The following ERBB4 variants were observed in gnomAD, a reference collection of about 807,000 sequenced individuals.
ERBB4 encodes erb-b2 receptor tyrosine kinase 4.
Under a neutral mutation model 158.0 loss-of-function variants are expected in ERBB4, and 42 were observed. The ratio of observed to expected loss-of-function variants is 0.27; its 90% CI spans 0.21 to 0.34. ERBB4 has a LOEUF of 0.34. Among genes scored for constraint, ERBB4 ranks in the 10% least tolerant of loss-of-function variants. The pLI is 1.00. For missense variants in ERBB4, 1,333 were observed against 1,624.1 expected (o/e 0.82, Z 3.08); for synonymous variants, 583 against 558.7 (o/e 1.04, Z -0.61).
At chr2:211,440,782 A>G (rs974841651) in intron 20 of ERBB4, among the ~76,000 whole-genome samples, 4 of 152,168 alleles carry the variant, frequency 2.6e-5, no homozygotes, top group Admixed American at 6.5e-5. Flanking sequence ...TAACTGCTGA[A>G]TACTTTTATG....
chr2:211,960,535 G>A (rs1447676595), intron 2 of ERBB4: 7 of 152,104 alleles, frequency 4.6e-5, no homozygotes, highest in Non-Finnish European at 1.0e-4. Context: ...GAAAGGTAGT[G>A]CCTTAGTCTG....
Position 211,536,848 on chromosome 2 carries a change from T to C in ERBB4, c.2487+25055A>G, listed in dbSNP as rs79426471. The stretch of plus-strand genomic sequence containing the variant: ...TTTAACTGGAGCTCTTTGGCTCACA[T>C]TGCAACATAACGTCCATCACCCTCT... On this transcript the variant is annotated intron_variant, in intron 20 of 27. Coordinates refer to ENST00000342788, the MANE Select transcript of ERBB4 (RefSeq NM_005235.3). Among the ~76,000 whole-genome samples the C allele has an allele frequency of 7.2e-3, 1,099 of 152,074 alleles. 36 individuals are homozygous for C. The highest frequency in any genetic ancestry group is 0.052 in the Admixed American group (794 of 15,274).
chr2:211,547,753 T>C (rs1387439697), intron 20 of ERBB4, among the ~76,000 whole-genome samples: 3 of 151,804 alleles, frequency 2.0e-5, no homozygotes, highest in Non-Finnish European at 4.4e-5. Flanking sequence ...TAGCTTTCAC[T>C]TTTCTGTTAA....
intron 1 of ERBB4, among the ~76,000 whole-genome samples, chr2:212,129,634 T>TA (rs957082194): frequency 3.3e-5 from 5 of 151,566 alleles, no homozygotes; most frequent in East Asian, 1.9e-4. Context: ...GGCCCTCAAC[T>TA]AAAAAAAATT....
intron 1 of ERBB4, among the ~76,000 whole-genome samples, chr2:212,162,716 A>G (rs1452198241): frequency 6.6e-6 from 1 of 151,916 alleles, no homozygotes; most frequent in Non-Finnish European, 1.5e-5. Flanking sequence ...ATGAGGAGAA[A>G]TGTGATAGCA....
At chr2:211,443,708 AC>A (rs1316593306) in intron 20 of ERBB4, among the ~76,000 whole-genome samples, 1 of 152,022 alleles carries the variant, frequency 6.6e-6, no homozygotes, top group Non-Finnish European at 1.5e-5. Flanking sequence ...CAGCGCTGCC[AC>A]TAACTATATG....
At chr2:212,073,241 C>A (rs1421298375) in intron 2 of ERBB4, among the ~76,000 whole-genome samples, 2 of 152,054 alleles carry the variant, frequency 1.3e-5, no homozygotes, top group African/African-American at 4.8e-5. Flanking sequence ...TCATCTTTAT[C>A]TTGAGAATAA....
At chr2:212,144,319 G>A (rs934277412) in intron 1 of ERBB4, among the ~76,000 whole-genome samples, 11 of 152,066 alleles carry the variant, frequency 7.2e-5, no homozygotes, top group Non-Finnish European at 1.3e-4. Context: ...TGGTATTTAA[G>A]ATTTTCCATA....
chr2:211,861,568 C>A (rs1272375903), intron 3 of ERBB4, among the ~76,000 whole-genome samples: 1 of 151,800 alleles, frequency 6.6e-6, no homozygotes, highest in Admixed American at 6.6e-5. Flanking sequence ...AAAGAAAAAC[C>A]TATAAATATT....
chr2:212,459,065 A>C (rs893054948), intron 1 of ERBB4, among the ~76,000 whole-genome samples: 15 of 152,206 alleles, frequency 9.9e-5, no homozygotes, highest in Non-Finnish European at 2.2e-4. Context: ...ATTTAAGTAT[A>C]ATCAAATGTT....
chr2:212,118,569 T>A (rs2079641424), intron 2 of ERBB4, among the ~76,000 whole-genome samples: 1 of 152,076 alleles, frequency 6.6e-6, no homozygotes, highest in South Asian at 2.1e-4. Context: ...AAGAATCCCA[T>A]ACATATCCTA....
intron 2 of ERBB4, among the ~76,000 whole-genome samples, chr2:211,985,378 C>A (rs374739814): frequency 6.6e-6 from 1 of 152,042 alleles, no homozygotes; most frequent in Non-Finnish European, 1.5e-5. Context: ...TTAGATTTTT[C>A]GGTATTTGTA....
At chr2:212,343,554 G>A (rs2088828746) in intron 1 of ERBB4, among the ~76,000 whole-genome samples, 1 of 152,182 alleles carries the variant, frequency 6.6e-6, no homozygotes, top group South Asian at 2.1e-4. Flanking sequence ...AGGAAAGAGG[G>A]CCAAGAAAGC....
chr2:211,824,880 T>C (rs1032489143), intron 3 of ERBB4, among the ~76,000 whole-genome samples: 1 of 151,998 alleles, frequency 6.6e-6, no homozygotes, highest in African/African-American at 2.4e-5. Flanking sequence ...ATTACCGGAC[T>C]GTAATGAAGA....
intron 2 of ERBB4, among the ~76,000 whole-genome samples, chr2:212,076,378 T>C (rs112693123): frequency 0.013 from 1,970 of 152,092 alleles, 22 homozygotes; most frequent in Middle Eastern, 0.024. Flanking sequence ...TATTTGACTT[T>C]ACCATATCAT....
At chr2:211,788,396 T>A (rs2106319417) in intron 3 of ERBB4, among the ~76,000 whole-genome samples, 1 of 152,180 alleles carries the variant, frequency 6.6e-6, no homozygotes. Context: ...ACTCTGAGAG[T>A]AACACTCCTA....
At chr2:211,490,351 T>C (rs950993511) in intron 20 of ERBB4, among the ~76,000 whole-genome samples, 6 of 152,068 alleles carry the variant, frequency 3.9e-5, no homozygotes, top group Non-Finnish European at 8.8e-5. Flanking sequence ...ATATTGAATT[T>C]ATGCATTTTT....
chr2:211,906,263 A>T lies in ERBB4; in HGVS notation c.421+41167T>A, dbSNP rs1195628145. Reference sequence around the variant, plus strand: ...ATGTAGGATTCTGCATATATTTAATATAAATGGAGTGGCAACATTTACTGA... The same window carrying T: ...ATGTAGGATTCTGCATATATTTAATTTAAATGGAGTGGCAACATTTACTGA... On this transcript the variant is annotated intron_variant, in intron 3 of 27. Transcript: ENST00000342788. 3.3e-5 allele frequency among the ~76,000 whole-genome samples: 5 copies of T among 152,266 alleles called. No homozygotes were observed. In the South Asian group the frequency reaches 6.2e-4, roughly 19 times the overall value.
At position 211,378,068 on chromosome 2, in the gene ERBB4, C is replaced by T. The variant is rs2062509868; in HGVS notation, c.*5547G>A. On this transcript the variant is annotated 3_prime_UTR_variant, in exon 28 of 28. Coordinates refer to ENST00000342788, the MANE Select transcript of ERBB4 (RefSeq NM_005235.3). ...ATGGCTTAAGAAAGGAACAGGACAG[C>T]ATCGGGGGACTACTTTGAACCAGGG... 4.3e-6 allele frequency: 1 copy of T among 233,088 alleles called. No individual in the cohort carries two copies. Among genetic ancestry groups the T allele is most frequent in the Non-Finnish European group, 8.5e-6 (1 of 117,694 alleles). 14.4% of individuals were successfully genotyped at this position (233,088 alleles called of 1,614,324 possible).
Sources: gnomAD v4.1 joint callset for allele counts (sites outside exome capture counted in the v4.1 genomes callset) on GRCh38, gnomAD v4.1.1 for gene constraint, MANE v1.5 for transcripts, NCBI Gene and HGNC (gene_info 2026-07-23, HGNC 2026-07-21) for gene names.